EBF3: variants seen among roughly 807,000 people sequenced by gnomAD.
The protein encoded by EBF3 is EBF transcription factor 3, also known as transcription factor COE3.
A neutral mutation model predicts 77.1 loss-of-function variants in EBF3; 18 were observed. The ratio of observed to expected loss-of-function variants is 0.23; its 90% CI spans 0.16 to 0.35. The LOEUF is 0.35. EBF3 is among the 10% of genes least tolerant of loss of function. The pLI is 1.00. For missense variants in EBF3, 558 were observed against 860.0 expected (o/e 0.65, Z 4.39); for synonymous variants, 350 against 343.5 (o/e 1.02, Z -0.21).
rs7895783 is a variant in EBF3 at position 129,842,978 on chromosome 10, C to T, written c.1194+159G>A. ...ACTCATCATTTCTACGTGAACCTAG[C>T]GTGAGGGCAAGGATGGGAAGCCATT... is the stretch of plus-strand genomic sequence containing the variant. On this transcript the variant is annotated intron_variant, in intron 12 of 16. Transcript: ENST00000440978. The surrounding 1 kb of genome is among the most constrained non-coding windows in gnomAD (Gnocchi z 4.4). Among the ~76,000 whole-genome samples, 30,049 of 151,870 alleles carry T rather than the reference C, an allele frequency of 0.2. 5,006 individuals are homozygous for T. Among genetic ancestry groups the T allele is most frequent in the African/African-American group, 0.45 (18,792 of 41,340 alleles).
intron 6 of EBF3, among the ~76,000 whole-genome samples, chr10:129,940,648 G>A (rs569471927): frequency 1.3e-5 from 2 of 152,270 alleles, no homozygotes; most frequent in South Asian, 4.2e-4. Flanking sequence ...GTGGGCGGGT[G>A]AGGAATGATG....
intron 6 of EBF3, among the ~76,000 whole-genome samples, chr10:129,902,877 G>A (rs1854887559): frequency 6.6e-6 from 1 of 152,152 alleles, no homozygotes; most frequent in Non-Finnish European, 1.5e-5. Flanking sequence ...GCCAGCTTCC[G>A]CCCACCCTGC....
At chr10:129,959,762 C>A (rs780603382) in intron 4 of EBF3, among the ~76,000 whole-genome samples, 1 of 151,856 alleles carries the variant, frequency 6.6e-6, no homozygotes, top group Non-Finnish European at 1.5e-5. Flanking sequence ...GAGCAGCAAC[C>A]GCACGTGGGC....
intron 6 of EBF3, among the ~76,000 whole-genome samples, chr10:129,886,877 T>C (rs1853624497): frequency 6.6e-6 from 1 of 151,310 alleles, no homozygotes; most frequent in South Asian, 2.1e-4. Context: ...TCGTGTGGGG[T>C]GCAGGAGACT....
chr10:129,959,382 C>A (rs1004331752), intron 4 of EBF3, among the ~76,000 whole-genome samples: 2 of 152,008 alleles, frequency 1.3e-5, no homozygotes, highest in Non-Finnish European at 2.9e-5. Flanking sequence ...CGGGCCCCTT[C>A]GGCATTCCGC....
At chr10:129,889,802 C>CAAAAAA (rs57252162) in intron 6 of EBF3, among the ~76,000 whole-genome samples, 1 of 114,916 alleles carries the variant, frequency 8.7e-6, no homozygotes, top group Admixed American at 9.1e-5. Context: ...GTCACATCTG[C>CAAAAAA]AAAAAAAAAA....
At chr10:129,957,586 A>G (rs898128272) in intron 5 of EBF3, among the ~76,000 whole-genome samples, 3 of 152,222 alleles carry the variant, frequency 2.0e-5, no homozygotes, top group Non-Finnish European at 4.4e-5. Flanking sequence ...TGATGCTAAA[A>G]TATGGAAAAC....
chr10:129,958,758 G>C (rs985794444), intron 5 of EBF3, among the ~76,000 whole-genome samples, 176 bp downstream of exon 5: 2 of 152,144 alleles, frequency 1.3e-5, no homozygotes, highest in African/African-American at 2.4e-5. Context: ...GTCAGCGCTG[G>C]GGGGAAGGAG....
chr10:129,867,383 C>T, intron 9 of EBF3, 116 bp from the exon 10 acceptor site: 5 of 1,473,748 alleles, frequency 3.4e-6, no homozygotes, highest in Non-Finnish European at 4.6e-6. Flanking sequence ...TCTTGGAATG[C>T]CCCCTCCTAG....
chr10:129,901,620 T>G (rs1209362560), intron 6 of EBF3, among the ~76,000 whole-genome samples: 1 of 152,220 alleles, frequency 6.6e-6, no homozygotes, highest in African/African-American at 2.4e-5. Flanking sequence ...TCTCAGTAAA[T>G]AAAACAAAGA....
intron 6 of EBF3, among the ~76,000 whole-genome samples, chr10:129,902,721 CTG>C (rs1854877876): frequency 6.6e-6 from 1 of 152,154 alleles, no homozygotes. Context: ...GTGTAACTAA[CTG>C]TACGAAAAGA....
intron 6 of EBF3, among the ~76,000 whole-genome samples, chr10:129,895,327 G>A (rs1854294052): frequency 6.6e-6 from 1 of 152,208 alleles, no homozygotes; most frequent in South Asian, 2.1e-4. Context: ...GCTCCAGAGG[G>A]AGTGGACGGG....
At chr10:129,931,859 C>A (rs1336889142) in intron 6 of EBF3, among the ~76,000 whole-genome samples, 2 of 152,180 alleles carry the variant, frequency 1.3e-5, no homozygotes, top group Non-Finnish European at 2.9e-5. Flanking sequence ...CCCTACAGGG[C>A]CTAGCTGGGT....
chr10:129,886,222 G>C (rs934037523), intron 6 of EBF3, among the ~76,000 whole-genome samples: 3 of 152,174 alleles, frequency 2.0e-5, no homozygotes, highest in Non-Finnish European at 2.9e-5. Context: ...CATGCACGGA[G>C]GACACCAGTG....
In EBF3 at chr10:129,943,208, G is replaced by A. The variant is rs1030778782; in HGVS notation, c.554+14050C>T. 2.6e-4 allele frequency among the ~76,000 whole-genome samples: 39 copies of A among 152,162 alleles called. No individual in the cohort carries two copies. The highest frequency in any genetic ancestry group is 3.9e-4 in the Admixed American group (6 of 15,280). ...TCTTCATTGGGGCCAGGCCTGACCC[G>A]GCCTTCCCAGTTGGAGGGGATTTCA... is the stretch of plus-strand genomic sequence containing the variant. On this transcript the variant is annotated intron_variant, in intron 6 of 16. Coordinates refer to ENST00000440978, the MANE Select transcript of EBF3 (RefSeq NM_001375380.1). This position sits in a 1 kb window ranked among gnomAD's most constrained non-coding sequence, Gnocchi z 8.8.
chr10:129,851,480 A>G (rs958097824), intron 10 of EBF3, among the ~76,000 whole-genome samples: 3 of 152,130 alleles, frequency 2.0e-5, no homozygotes, highest in Non-Finnish European at 2.9e-5. Flanking sequence ...ATTAATTTAA[A>G]CTCTGCCTTA....
At chr10:129,919,672 G>A (rs1432993565) in intron 6 of EBF3, among the ~76,000 whole-genome samples, 1 of 152,158 alleles carries the variant, frequency 6.6e-6, no homozygotes, top group Non-Finnish European at 1.5e-5. Context: ...ACTGCTGCAG[G>A]GGGCAAGGAC....
intron 16 of EBF3, among the ~76,000 whole-genome samples, chr10:129,838,857 G>T (rs753670017): frequency 6.6e-6 from 1 of 152,166 alleles, no homozygotes; most frequent in East Asian, 1.9e-4. Flanking sequence ...ACAACTTTAC[G>T]GTTTGGAAGC....
intron 6 of EBF3, among the ~76,000 whole-genome samples, chr10:129,898,938 T>G (rs1854587167): frequency 6.6e-6 from 1 of 152,222 alleles, no homozygotes; most frequent in Non-Finnish European, 1.5e-5. Context: ...ACGTGCAGCC[T>G]CGAGTAAGGA....
Sources: gnomAD v4.1 joint callset for allele counts (sites outside exome capture counted in the v4.1 genomes callset) on GRCh38, gnomAD v4.1.1 for gene constraint, Gnocchi (gnomAD v3.1) non-coding constraint, MANE v1.5 for transcripts, NCBI Gene and HGNC (gene_info 2026-07-23, HGNC 2026-07-21) for gene names.